Variants in PHLPP2 observed in about 807,000 individuals in gnomAD.
PHLPP2 encodes the protein PH domain leucine-rich repeat-containing protein phosphatase 2.
PHLPP2 carries 66 observed loss-of-function variants against 124.9 expected under a neutral mutation model. The observed-to-expected ratio is 0.53, with a 90% CI of 0.43 to 0.65. The LOEUF (loss-of-function observed/expected upper bound fraction) is 0.65. Among genes scored for constraint, PHLPP2 ranks in the 30% least tolerant of loss-of-function variants. The pLI, the probability that PHLPP2 is intolerant of heterozygous loss-of-function variation, is 0.00. For missense variants in PHLPP2, 1,685 were observed against 1,600.4 expected, an observed-to-expected ratio of 1.05 and a Z score of -0.90; for synonymous variants, 681 against 624.7, an observed-to-expected ratio of 1.09 and a Z score of -1.34.
chr16:71,683,032 G>A (rs1050148952), intron 5 of PHLPP2, among the ~76,000 whole-genome samples: 18 of 152,026 alleles, frequency 1.2e-4, no homozygotes, highest in Admixed American at 5.2e-4. Flanking sequence ...TTAGCTGGGC[G>A]TGATGGCGCA....
chr16:71,711,662 T>A (rs1188937154), intron 2 of PHLPP2, among the ~76,000 whole-genome samples: 1 of 152,226 alleles, frequency 6.6e-6, no homozygotes. Context: ...GTAATTTACA[T>A]AAAGCATAAG....
intron 2 of PHLPP2, among the ~76,000 whole-genome samples, chr16:71,711,246 G>A (rs933889108): frequency 2.6e-5 from 4 of 151,708 alleles, no homozygotes; most frequent in East Asian, 1.9e-4. Flanking sequence ...CAGGAGAATC[G>A]CTTGAACCCA....
At position 71,683,102 on chromosome 16, in the gene PHLPP2, C is replaced by T. The variant is rs1162481400; in HGVS notation, c.736-1197G>A. 3.3e-5 allele frequency among the ~76,000 whole-genome samples: 5 copies of T among 151,482 alleles called. No individual in the cohort carries two copies. The South Asian group carries it at 6.3e-4, about 19-fold the overall frequency. On this transcript the variant is annotated intron_variant, in intron 5 of 18. Coordinates refer to ENST00000568954, the MANE Select transcript of PHLPP2 (RefSeq NM_015020.3). ...AGGAGAACTGCTTGAACCCAGGAGA[C>T]AAAGGTTGTAGTGAGCCAAGACTAT...
At chr16:71,685,610 A>G (rs2045047864) in intron 4 of PHLPP2, among the ~76,000 whole-genome samples, 1 of 152,240 alleles carries the variant, frequency 6.6e-6, no homozygotes, top group African/African-American at 2.4e-5. Context: ...GTGATACAAC[A>G]TAACCATTTT....
intron 2 of PHLPP2, among the ~76,000 whole-genome samples, chr16:71,713,216 T>A (rs1567630097): frequency 6.6e-6 from 1 of 152,228 alleles, no homozygotes; most frequent in Non-Finnish European, 1.5e-5. Flanking sequence ...GTCGTTGGAA[T>A]GCTGACTTTA....
intron 4 of PHLPP2, among the ~76,000 whole-genome samples, chr16:71,685,751 A>C (rs1034907676): frequency 3.3e-5 from 5 of 152,188 alleles, no homozygotes; most frequent in Non-Finnish European, 2.9e-5. Flanking sequence ...TTGACATTGA[A>C]AAGTACAGAG....
chr16:71,702,855 A>G, intron 2 of PHLPP2, 124 bp from the exon 3 acceptor site: 1 of 592,286 alleles, frequency 1.7e-6, no homozygotes, highest in Non-Finnish European at 2.9e-6. Context: ...ACATGAATAT[A>G]CTGCTTAGTA....
chr16:71,715,982 A>G (rs1248099125), intron 1 of PHLPP2, among the ~76,000 whole-genome samples: 1 of 149,686 alleles, frequency 6.7e-6, no homozygotes, highest in Admixed American at 6.7e-5. Flanking sequence ...GGCAACAGAG[A>G]CTCTGTCTCA....
intron 8 of PHLPP2, 172 bp downstream of exon 8, chr16:71,678,583 T>C (rs1396346086): frequency 5.2e-6 from 3 of 582,246 alleles, no homozygotes; most frequent in Non-Finnish European, 9.2e-6. Flanking sequence ...AAGACTGCAG[T>C]GGGCCGAGAT....
At chr16:71,680,371 G>A (rs914783616) in intron 6 of PHLPP2, among the ~76,000 whole-genome samples, 1 of 152,126 alleles carries the variant, frequency 6.6e-6, no homozygotes, top group Admixed American at 6.5e-5. Flanking sequence ...AAATACAAAT[G>A]TGACAGCATT....
intron 3 of PHLPP2, among the ~76,000 whole-genome samples, chr16:71,692,919 G>T (rs1326600567): frequency 6.6e-6 from 1 of 151,952 alleles, no homozygotes; most frequent in Non-Finnish European, 1.5e-5. Context: ...GGTTCTCCCA[G>T]ATCTATATTC....
chr16:71,653,156 C>A (rs552896768), intron 17 of PHLPP2, 135 bp from the exon 18 acceptor site: 17 of 617,174 alleles, frequency 2.8e-5, no homozygotes, highest in Middle Eastern at 2.6e-4. Flanking sequence ...CCCTTATCCA[C>A]CTAAATGCAG....
intron 4 of PHLPP2, among the ~76,000 whole-genome samples, chr16:71,689,519 A>C (rs948945527): frequency 4.0e-5 from 6 of 151,440 alleles, no homozygotes; most frequent in Non-Finnish European, 8.8e-5. Flanking sequence ...CAGCCTCCCA[A>C]GTAACTGGGA....
intron 12 of PHLPP2, among the ~76,000 whole-genome samples, chr16:71,664,915 C>T (rs2044825323): frequency 6.6e-6 from 1 of 152,122 alleles, no homozygotes; most frequent in Non-Finnish European, 1.5e-5. Context: ...CAATTACTTC[C>T]TTAGGGTACA....
rs377135790 is a variant in PHLPP2, at chr16:71,684,998, C to T, written c.610-397G>A. Among the ~76,000 whole-genome samples the T allele has an allele frequency of 1.8e-4, 27 of 152,248 alleles. 1 individual carries two copies. The highest frequency in any genetic ancestry group is 6.0e-4 in the African/African-American group (25 of 41,546). Reference sequence around the variant, plus strand: ...AAAACCTCCCCCATTCCTATTGGAGCGGTGGCAGGAATTCACAGCACAAAA... The same window carrying T: ...AAAACCTCCCCCATTCCTATTGGAGTGGTGGCAGGAATTCACAGCACAAAA... On this transcript the variant is annotated intron_variant, in intron 4 of 18. Coordinates refer to ENST00000568954, the MANE Select transcript of PHLPP2 (RefSeq NM_015020.3).
Position 71,661,399 on chromosome 16 carries a change from A to C in PHLPP2, c.1985+2500T>G, listed in dbSNP as rs1386395973. ...TTCTTGTCTTTATTACTAACTTCTT[A>C]TTTTCATTTTCTTTGATATGTTTTA... On this transcript the variant is annotated intron_variant, in intron 13 of 18. Coordinates refer to ENST00000568954, the MANE Select transcript of PHLPP2 (RefSeq NM_015020.3). Among the ~76,000 whole-genome samples the C allele has an allele frequency of 2.0e-5, 3 of 151,824 alleles. No homozygotes were observed. In the East Asian group the frequency reaches 5.8e-4, roughly 29 times the overall value.
intron 10 of PHLPP2, among the ~76,000 whole-genome samples, chr16:71,670,210 G>A (rs2044878850): frequency 6.6e-6 from 1 of 152,206 alleles, no homozygotes; most frequent in Non-Finnish European, 1.5e-5. Context: ...GCTTGGTGAT[G>A]CTGGAGCACC....
rs1338468404 is a variant in PHLPP2, at chr16:71,701,394, ATTAACT to A, written c.418+1198_418+1203del. On this transcript the variant is annotated intron_variant, in intron 3 of 18. Coordinates refer to ENST00000568954, the MANE Select transcript of PHLPP2 (RefSeq NM_015020.3). ...GGTACATTATTACTTTTCAAAGATT[ATTAACT>A]TTAAGTTTCATCCCAAACTTAATTT... Among the ~76,000 whole-genome samples the A allele has an allele frequency of 3.9e-5, 6 of 152,114 alleles. No homozygotes were observed. In the East Asian group the frequency reaches 5.8e-4, roughly 15 times the overall value.
At chr16:71,705,281 G>A (rs969418894) in intron 2 of PHLPP2, among the ~76,000 whole-genome samples, 1 of 152,192 alleles carries the variant, frequency 6.6e-6, no homozygotes, top group African/African-American at 2.4e-5. Flanking sequence ...CTACAGTTCA[G>A]TGTATTTAAA....
Sources: gnomAD v4.1 joint callset for allele counts (sites outside exome capture counted in the v4.1 genomes callset) on GRCh38, gnomAD v4.1.1 for gene constraint, MANE v1.5 for transcripts, NCBI Gene and HGNC (gene_info 2026-07-23, HGNC 2026-07-21) for gene names.